NSRP1: variants seen among roughly 807,000 people sequenced by gnomAD.
NSRP1 encodes coiled-coil domain containing 55.
A neutral mutation model predicts 54.7 loss-of-function variants in NSRP1; 24 were observed. The observed-to-expected ratio is 0.44, with a 90% CI of 0.32 to 0.62. The LOEUF (loss-of-function observed/expected upper bound fraction) is 0.62. NSRP1 is among the 20% of genes least tolerant of loss of function. NSRP1 has a pLI of 0.06. For missense variants in NSRP1, 596 were observed against 651.2 expected, an observed-to-expected ratio of 0.92 and a Z score of 0.92; for synonymous variants, 210 against 213.8, an observed-to-expected ratio of 0.98 and a Z score of 0.15.
chr17:30,154,066 C>T (rs2071938512), intron 2 of NSRP1, among the ~76,000 whole-genome samples: 3 of 151,942 alleles, frequency 2.0e-5, no homozygotes, highest in Admixed American at 6.6e-5. Context: ...GCTGTAATCT[C>T]AGCACTTTGG....
At chr17:30,166,868 G>A (rs1456963828) in intron 2 of NSRP1, among the ~76,000 whole-genome samples, 1 of 152,164 alleles carries the variant, frequency 6.6e-6, no homozygotes, top group Non-Finnish European at 1.5e-5. Flanking sequence ...AGAGGTTTCA[G>A]TGAGCTGAAA....
chr17:30,179,869 C>G (rs1905241187), intron 5 of NSRP1, among the ~76,000 whole-genome samples: 1 of 151,944 alleles, frequency 6.6e-6, no homozygotes, highest in South Asian at 2.1e-4. Flanking sequence ...GAGACTGGGT[C>G]TCTGTCACCC....
In NSRP1 at chr17:30,138,922, T is replaced by G. The variant is rs890222642; in HGVS notation, c.114+20749T>G. The stretch of plus-strand genomic sequence containing the variant: ...TCAAGTCTTAGCGTTTTTTTTTTTT[T>G]TTTTTTTTTTTTTGAGATGGAGTCT... On this transcript the variant is annotated intron_variant, in intron 2 of 6. Coordinates refer to ENST00000247026, the MANE Select transcript of NSRP1 (RefSeq NM_032141.4). 1.8e-4 allele frequency among the ~76,000 whole-genome samples: 24 copies of G among 135,704 alleles called. 1 individual carries two copies. The highest frequency in any genetic ancestry group is 3.7e-3 in the Middle Eastern group (1 of 268). 89.0% of individuals were successfully genotyped at this position (135,704 alleles called of 152,430 possible). A position where few individuals can be genotyped will look rare whatever the true frequency, so the allele number is the denominator to read the frequency against.
At chr17:30,136,442 G>A (rs2071751825) in intron 2 of NSRP1, among the ~76,000 whole-genome samples, 1 of 152,100 alleles carries the variant, frequency 6.6e-6, no homozygotes, top group South Asian at 2.1e-4. Flanking sequence ...CTTTGTTTAT[G>A]TTAGATATGG....
chr17:30,116,874 C>T lies in NSRP1; in HGVS notation c.20+11C>T, dbSNP rs1296921196. The stretch of plus-strand genomic sequence containing the variant: ...GATTCCGGGCAGGCAGTGAGTGATC[C>T]GGGAGTTAGGGTCAGGCTGGGGGAT... On this transcript the variant is annotated intron_variant, in intron 1 of 6. Coordinates refer to ENST00000247026, the MANE Select transcript of NSRP1 (RefSeq NM_032141.4). The T allele has an allele frequency of 3.8e-6, 6 of 1,571,620 alleles. No individual in the cohort carries two copies. Among genetic ancestry groups the T allele is most frequent in the South Asian group, 2.3e-5 (2 of 85,572 alleles).
At chr17:30,138,856 TTA>T (rs1437349426) in intron 2 of NSRP1, among the ~76,000 whole-genome samples, 1 of 151,940 alleles carries the variant, frequency 6.6e-6, no homozygotes, top group African/African-American at 2.4e-5. Context: ...ATTGACTGTT[TTA>T]TTTGATAATA....
intron 6 of NSRP1, among the ~76,000 whole-genome samples, chr17:30,182,793 G>A (rs1905357691): frequency 6.6e-6 from 1 of 151,902 alleles, no homozygotes; most frequent in African/African-American, 2.4e-5. Flanking sequence ...AATTAGCCAG[G>A]CGTGGTGGCG....
At chr17:30,124,348 T>A (rs2071632176) in intron 2 of NSRP1, among the ~76,000 whole-genome samples, 1 of 152,104 alleles carries the variant, frequency 6.6e-6, no homozygotes, top group Non-Finnish European at 1.5e-5. Context: ...TCTAGAGAGT[T>A]TTTTGATGTT....
At chr17:30,177,107 G>A (rs1228588412) in intron 3 of NSRP1, among the ~76,000 whole-genome samples, 13 of 152,154 alleles carry the variant, frequency 8.5e-5, no homozygotes, top group East Asian at 3.9e-4. Context: ...GGTGGCTCAC[G>A]CATGTAATTC....
At chr17:30,166,532 G>T (rs1904735347) in intron 2 of NSRP1, among the ~76,000 whole-genome samples, 1 of 152,102 alleles carries the variant, frequency 6.6e-6, no homozygotes, top group South Asian at 2.1e-4. Flanking sequence ...AAGTTTATGG[G>T]ATACCTGTGA....
Position 30,185,028 on chromosome 17 carries a change from A to T in NSRP1, c.1031A>T (p.His344Leu). The change falls in exon 7 of 7, where the codon CAT (histidine) becomes CTT (leucine). Residue 344 changes from histidine (H) to leucine (L), a missense_variant. Physicochemically the swap from His to Leu is moderately conservative, Grantham distance 99. Transcript: ENST00000247026. ...DRDYRKERDS[H>L]RHREASHRDS... ...GATTACCGGAAAGAAAGGGATTCTC[A>T]TAGGCACAGAGAGGCCAGTCATAGA... 1 of 1,614,202 alleles carries T rather than the reference A, an allele frequency of 6.2e-7. No homozygotes were observed. Among genetic ancestry groups the T allele is most frequent in the Non-Finnish European group, 8.5e-7 (1 of 1,180,040 alleles).
In NSRP1 at chr17:30,157,290, G is replaced by A. The variant is rs199797776; in HGVS notation, c.115-15252G>A. Among the ~76,000 whole-genome samples the A allele has an allele frequency of 5.3e-5, 8 of 152,008 alleles. No homozygotes were observed. In the East Asian group the frequency reaches 1.5e-3, roughly 29 times the overall value. On this transcript the variant is annotated intron_variant, in intron 2 of 6. Coordinates refer to ENST00000247026, the MANE Select transcript of NSRP1 (RefSeq NM_032141.4). ...CCTGTTGGCTACTCATATGTATTTT[G>A]AGAAATCTCTATTGCCCACTTTTTT...
intron 2 of NSRP1, among the ~76,000 whole-genome samples, chr17:30,140,516 T>C (rs1454522175): frequency 6.9e-6 from 1 of 145,294 alleles, no homozygotes; most frequent in Non-Finnish European, 1.5e-5. Flanking sequence ...TTGTTCAGAT[T>C]TTACTTTTTT....
chr17:30,185,165 A>G lies in NSRP1; in HGVS notation c.1168A>G (p.Arg390Gly). Residue 390 changes from arginine (R) to glycine (G), a missense_variant, in exon 7 of 7, where the codon AGA becomes GGA. Arg to Gly is a moderately radical substitution (Grantham distance 125). Coordinates refer to ENST00000247026, the MANE Select transcript of NSRP1 (RefSeq NM_032141.4). ...REKDREKYSQ[R>G]EQERDRQQND... ...GAAAGATAGGGAGAAATATTCCCAA[A>G]GAGAACAAGAAAGAGATAGACAACA... The G allele has an allele frequency of 6.3e-7, 1 of 1,581,512 alleles. No homozygotes were observed. Among genetic ancestry groups the G allele is most frequent in the Non-Finnish European group, 8.6e-7 (1 of 1,163,202 alleles).
Position 30,185,101 on chromosome 17 carries a change from G to A in NSRP1, c.1104G>A (p.Arg368=), listed in dbSNP as rs776729432. 4 of 1,613,138 alleles carry A rather than the reference G, an allele frequency of 2.5e-6. No individual in the cohort carries two copies. The South Asian group carries it at 4.4e-5, about 18-fold the overall frequency. Residue 368 remains arginine, a synonymous_variant, in exon 7 of 7, where the codon AGG becomes AGA. Coordinates refer to ENST00000247026, the MANE Select transcript of NSRP1 (RefSeq NM_032141.4). ...RHEQEDKPRA[R]DQRERSDRVW... ...AACAGGAAGATAAACCAAGGGCGAG[G>A]GACCAAAGAGAAAGAAGTGACAGAG...
At chr17:30,147,304 A>G (rs980148532) in intron 2 of NSRP1, among the ~76,000 whole-genome samples, 1 of 150,694 alleles carries the variant, frequency 6.6e-6, no homozygotes, top group Non-Finnish European at 1.5e-5. Context: ...TAATTTTTGT[A>G]TTTTTAGTAG....
chr17:30,171,972 A>ACACTCTCTCTCTCTCTCT (rs1169988659), intron 2 of NSRP1, among the ~76,000 whole-genome samples: 8 of 46,586 alleles, frequency 1.7e-4, no homozygotes, highest in African/African-American at 2.5e-4. Context: ...ACACACACAC[A>ACACTCTCTCTCTCTCTCT]CTCCCTCTCT....
intron 2 of NSRP1, among the ~76,000 whole-genome samples, chr17:30,164,062 T>A (rs1210557232): frequency 6.6e-6 from 1 of 152,158 alleles, no homozygotes; most frequent in Non-Finnish European, 1.5e-5. Context: ...ATGTTATTTG[T>A]GATTGTAAAA....
At chr17:30,138,470 C>T (rs548109945) in intron 2 of NSRP1, among the ~76,000 whole-genome samples, 23 of 152,260 alleles carry the variant, frequency 1.5e-4, no homozygotes, top group Non-Finnish European at 2.9e-4. Context: ...CTCCCATATA[C>T]TTTCAATCAT....
Sources: allele counts gnomAD v4.1 joint callset (sites outside exome capture counted in the v4.1 genomes callset), GRCh38; gene constraint gnomAD v4.1.1; transcripts MANE v1.5; gene names NCBI Gene and HGNC (gene_info 2026-07-23, HGNC 2026-07-21).